The following IL1RAPL1 variants were observed in gnomAD, a reference collection of about 807,000 sequenced individuals.
IL1RAPL1 encodes the protein interleukin 1 receptor accessory protein like 1.
A neutral mutation model predicts 48.4 loss-of-function variants in IL1RAPL1; 3 were observed. The ratio of observed to expected loss-of-function variants is 0.06; its 90% CI spans 0.03 to 0.16. The LOEUF (loss-of-function observed/expected upper bound fraction) is 0.16, where lower values mean the gene tolerates loss of function less well. Ranked by LOEUF, IL1RAPL1 falls within the 10% of genes least tolerant of loss-of-function variation. The pLI, the probability that IL1RAPL1 is intolerant of heterozygous loss-of-function variation, is 1.00. For missense variants in IL1RAPL1, 349 were observed against 530.6 expected (o/e 0.66, Z 3.36); for synonymous variants, 185 against 187.7 (o/e 0.99, Z 0.12).
At chrX:28,844,159 C>A (rs1166645515) in intron 2 of IL1RAPL1, among the ~76,000 whole-genome samples, 1 of 106,874 alleles carries the variant, frequency 9.4e-6, no homozygotes, top group African/African-American at 3.4e-5. Context: ...TGGCATATGA[C>A]CTTGGAAATT....
chrX:29,440,174 A>G (rs1934532168), intron 5 of IL1RAPL1, among the ~76,000 whole-genome samples: 1 of 110,479 alleles, frequency 9.1e-6, no homozygotes, highest in Non-Finnish European at 1.9e-5. Flanking sequence ...GCAGGTCACA[A>G]CTTGAATTTT....
In IL1RAPL1 at chrX:29,203,722, AATATATATATATATATAT is replaced by A. The variant is rs56950481; in HGVS notation, c.83-79194_83-79177del. Reference sequence around the variant, plus strand: ...CAACAAGAGCAAAACTCCGTCTCAAAATATATATATATATATATATATATATATATATATATATAGTTA... The same window carrying A: ...CAACAAGAGCAAAACTCCGTCTCAAAATATATATATATATATATATAGTTA... On this transcript the variant is annotated intron_variant, in intron 2 of 10. Transcript: ENST00000378993. Among the ~76,000 whole-genome samples the A allele has an allele frequency of 2.9e-3, 231 of 78,413 alleles. 5 individuals are homozygous for A. Among genetic ancestry groups the A allele is most frequent in the African/African-American group, 0.012 (221 of 18,508 alleles). The allele number at this position is 78,413 out of a possible 115,157, so 68.1% of individuals were successfully genotyped here. A position where few individuals can be genotyped will look rare whatever the true frequency, so the allele number is the denominator to read the frequency against.
intron 1 of IL1RAPL1, among the ~76,000 whole-genome samples, chrX:28,691,855 A>G (rs766547685): frequency 9.0e-6 from 1 of 111,461 alleles, no homozygotes; most frequent in African/African-American, 3.3e-5. Context: ...GTCTAAGTTA[A>G]TTTTGTGTTG....
Position 29,240,195 on chromosome X carries a change from CATATATATATATAT to C in IL1RAPL1, c.83-42726_83-42713del, listed in dbSNP as rs1224933369. ...AGTAGTATATAGGTACACACACACA[CATATATATATATAT>C]ATATATATATATATATTTTTTTTTT... On this transcript the variant is annotated intron_variant, in intron 2 of 10. Coordinates refer to ENST00000378993, the MANE Select transcript of IL1RAPL1 (RefSeq NM_014271.4). Among the ~76,000 whole-genome samples the C allele has an allele frequency of 9.6e-4, 26 of 27,224 alleles. 1 individual carries two copies. In the East Asian group the frequency reaches 0.017, roughly 17 times the overall value. 23.6% of individuals were successfully genotyped at this position (27,224 alleles called of 115,157 possible).
At chrX:29,697,544 T>G (rs767632856) in intron 6 of IL1RAPL1, among the ~76,000 whole-genome samples, 28 of 111,986 alleles carry the variant, frequency 2.5e-4, no homozygotes, top group African/African-American at 9.1e-4. Context: ...GTGTACTACC[T>G]GAAACGAAAG....
chrX:29,659,509 A>G (rs1390487962), intron 5 of IL1RAPL1, among the ~76,000 whole-genome samples: 2 of 112,449 alleles, frequency 1.8e-5, no homozygotes, highest in African/African-American at 6.5e-5. Flanking sequence ...AACAGTGTAC[A>G]GGCATTCACT....
intron 2 of IL1RAPL1, among the ~76,000 whole-genome samples, chrX:29,199,309 C>T (rs73460429): frequency 1.8e-4 from 20 of 110,517 alleles, no homozygotes; most frequent in Non-Finnish European, 3.4e-4. Flanking sequence ...AAGTGGTTTT[C>T]TTTGAATGAT....
chrX:29,607,932 G>A (rs762522412), intron 5 of IL1RAPL1, among the ~76,000 whole-genome samples: 10 of 112,519 alleles, frequency 8.9e-5, no homozygotes, highest in African/African-American at 3.2e-4. Context: ...CCACCTGACT[G>A]TCTCAGGGAC....
At chrX:29,454,222 C>A (rs748594047) in intron 5 of IL1RAPL1, among the ~76,000 whole-genome samples, 23 of 112,279 alleles carry the variant, frequency 2.0e-4, no homozygotes, top group Non-Finnish European at 3.6e-4. Context: ...AGAGAATAGG[C>A]ACATTATCAG....
chrX:29,064,651 G>A (rs898833417), intron 2 of IL1RAPL1, among the ~76,000 whole-genome samples: 3 of 111,032 alleles, frequency 2.7e-5, no homozygotes, highest in South Asian at 7.7e-4. Flanking sequence ...GCGCGATCTC[G>A]GCTCACGGCA....
chrX:29,432,778 A>G (rs891368203), intron 5 of IL1RAPL1, among the ~76,000 whole-genome samples: 1 of 111,674 alleles, frequency 9.0e-6, no homozygotes, highest in African/African-American at 3.2e-5. Context: ...TTTAAACCAT[A>G]ATACTTCTCC....
At chrX:28,602,104 C>CAAA (rs1168499677) in intron 1 of IL1RAPL1, among the ~76,000 whole-genome samples, 34 of 38,183 alleles carry the variant, frequency 8.9e-4, no homozygotes, top group Admixed American at 6.3e-3. Context: ...GACTCCATCT[C>CAAA]AAAAAAAAAA....
At chrX:28,746,655 A>C (rs775630333) in intron 1 of IL1RAPL1, among the ~76,000 whole-genome samples, 2 of 112,146 alleles carry the variant, frequency 1.8e-5, no homozygotes, top group South Asian at 7.4e-4. Context: ...ATTTTCTTAA[A>C]ATAGTTATTA....
intron 5 of IL1RAPL1, among the ~76,000 whole-genome samples, chrX:29,649,837 A>G (rs1925457971): frequency 9.0e-6 from 1 of 111,726 alleles, no homozygotes; most frequent in African/African-American, 3.2e-5. Flanking sequence ...TTGCAGAGAC[A>G]TGATCTTATA....
At chrX:28,687,790 A>T (rs1422695731) in intron 1 of IL1RAPL1, among the ~76,000 whole-genome samples, 2 of 105,392 alleles carry the variant, frequency 1.9e-5, no homozygotes, top group African/African-American at 7.0e-5. Flanking sequence ...TCAGAAAAAA[A>T]AAAAAAAAAT....
intron 1 of IL1RAPL1, among the ~76,000 whole-genome samples, chrX:28,594,514 A>G (rs1933935059): frequency 8.9e-6 from 1 of 111,986 alleles, no homozygotes; most frequent in South Asian, 3.7e-4. Flanking sequence ...GGGATGCCCC[A>G]TTATGTGATT....
At chrX:29,922,061 G>C (rs1463756317) in intron 8 of IL1RAPL1, among the ~76,000 whole-genome samples, 3 of 110,665 alleles carry the variant, frequency 2.7e-5, no homozygotes, top group South Asian at 3.9e-4. Flanking sequence ...ACATATTTTG[G>C]GGGGGGACAA....
Position 29,807,621 on chromosome X carries a change from C to CAAAAA in IL1RAPL1, c.779-109819_779-109815dup, listed in dbSNP as rs60391165. On this transcript the variant is annotated intron_variant, in intron 6 of 10. Transcript: ENST00000378993. The stretch of plus-strand genomic sequence containing the variant: ...CAGAGCAAGACTCTGTCTCTCAAGA[C>CAAAAA]AAAAAAAAAAAAAAAAAAAAAAAAA... 1.3e-3 allele frequency among the ~76,000 whole-genome samples: 35 copies of CAAAAA among 26,030 alleles called. 3 individuals are homozygous for CAAAAA. Among genetic ancestry groups the CAAAAA allele is most frequent in the Non-Finnish European group, 1.5e-3 (22 of 14,808 alleles). 22.6% of individuals were successfully genotyped at this position (26,030 alleles called of 115,157 possible).
chrX:29,747,916 A>G (rs1025029247), intron 6 of IL1RAPL1, among the ~76,000 whole-genome samples: 31 of 112,166 alleles, frequency 2.8e-4, no homozygotes, highest in African/African-American at 8.7e-4. Flanking sequence ...CTAGTACTAC[A>G]GAGCTTGTTT....
Sources: gnomAD v4.1 joint callset for allele counts (sites outside exome capture counted in the v4.1 genomes callset) on GRCh38, gnomAD v4.1.1 for gene constraint, MANE v1.5 for transcripts, NCBI Gene and HGNC (gene_info 2026-07-23, HGNC 2026-07-21) for gene names.